ERCC3: variants seen among roughly 807,000 people sequenced by gnomAD.
ERCC3 encodes general transcription and DNA repair factor IIH helicase/translocase subunit XPB.
ERCC3 carries 66 observed loss-of-function variants against 94.2 expected under a neutral mutation model. The ratio of observed to expected loss-of-function variants is 0.70; its 90% CI spans 0.57 to 0.86. ERCC3 has a LOEUF of 0.86. Among genes scored for constraint, ERCC3 ranks in the 40% least tolerant of loss-of-function variants. ERCC3 has a pLI of 0.00. For missense variants in ERCC3, 829 were observed against 987.1 expected, an observed-to-expected ratio of 0.84 and a Z score of 2.15; for synonymous variants, 349 against 369.1, an observed-to-expected ratio of 0.95 and a Z score of 0.63.
At chr2:127,265,831 T>C (rs530880079) in intron 12 of ERCC3, among the ~76,000 whole-genome samples, 1 of 152,342 alleles carries the variant, frequency 6.6e-6, no homozygotes, top group East Asian at 1.9e-4. Flanking sequence ...CTTCAGCTAG[T>C]TTTGGGATTA....
chr2:127,290,020 C>T, intron 4 of ERCC3, 196 bp from the exon 5 acceptor site: 1 of 783,250 alleles, frequency 1.3e-6, no homozygotes, highest in Non-Finnish European at 2.1e-6. Context: ...TAGGCAGGGG[C>T]CTGAGCCCAG....
At chr2:127,276,862 A>G (rs1421255453) in intron 10 of ERCC3, among the ~76,000 whole-genome samples, 2 of 152,204 alleles carry the variant, frequency 1.3e-5, no homozygotes, top group African/African-American at 4.8e-5. Context: ...CCACCACAGC[A>G]GACAACACAC....
Position 127,272,894 on chromosome 2 carries a change from G to A in ERCC3, c.1798C>T (p.Pro600Ser). The A allele has an allele frequency of 6.2e-7, 1 of 1,613,558 alleles. No homozygotes were observed. Residue 600 changes from proline to serine, a missense_variant, in exon 11 of 15, where the codon CCC becomes TCC. Transcript: ENST00000285398. ...MQILQNFKHN[P>S]KINTIFISKV... The stretch of plus-strand genomic sequence containing the variant: ...GATATGAAGATGGTGTTAATTTTGG[G>A]GTTGTGCTTGAAATTCTGGAGAATT...
intron 10 of ERCC3, among the ~76,000 whole-genome samples, chr2:127,278,301 C>T (rs929451322): frequency 7.3e-5 from 11 of 151,498 alleles, no homozygotes; most frequent in African/African-American, 2.4e-4. Flanking sequence ...AAAAAAGAGT[C>T]AAAAGCGGCT....
chr2:127,293,753 G>T, intron 1 of ERCC3, 35 bp from the exon 2 acceptor site: 1 of 1,606,052 alleles, frequency 6.2e-7, no homozygotes, highest in Non-Finnish European at 8.5e-7. Context: ...AGCCCAGCAG[G>T]AGCCTTCAGG....
chr2:127,278,969 C>T (rs1203302255), intron 10 of ERCC3, among the ~76,000 whole-genome samples: 4 of 152,222 alleles, frequency 2.6e-5, no homozygotes, highest in Admixed American at 6.5e-5. Flanking sequence ...GACTAGCCCC[C>T]CTTTTCTCTA....
rs576058879 is a variant in ERCC3 at position 127,257,353 on chromosome 2, A to AT, written c.*242dup. 2.6e-3 allele frequency: 1,442 copies of AT among 556,846 alleles called. 1 individual carries two copies. Among genetic ancestry groups the AT allele is most frequent in the Non-Finnish European group, 4.2e-3 (1,254 of 301,934 alleles). The allele number at this position is 556,846 out of a possible 1,614,324, so 34.5% of individuals were successfully genotyped here. A position where few individuals can be genotyped will look rare whatever the true frequency, so the allele number is the denominator to read the frequency against. On this transcript the variant is annotated 3_prime_UTR_variant, in exon 15 of 15. Transcript: ENST00000285398. This position sits in a 1 kb window ranked among gnomAD's most constrained non-coding sequence, Gnocchi z 5.4. ...ACATAAATACACCTTAAATATTAAC[A>AT]TTTTTTATATACAGAAATGACCCCA...
intron 4 of ERCC3, 77 bp downstream of exon 4, chr2:127,290,147 T>C: frequency 4.3e-6 from 5 of 1,158,294 alleles, no homozygotes; most frequent in Non-Finnish European, 6.5e-6. Flanking sequence ...CATCAGGTCC[T>C]TCCCATATCC....
At chr2:127,272,008 T>TC (rs1491251279) in intron 11 of ERCC3, among the ~76,000 whole-genome samples, 1 of 20,644 alleles carries the variant, frequency 4.8e-5, no homozygotes. Context: ...ATCTCATTTC[T>TC]TTTTTTTTTT....
In ERCC3 at chr2:127,274,964, G is replaced by A. The variant is rs1171951781; in HGVS notation, c.1731-2003C>T. On this transcript the variant is annotated intron_variant, in intron 10 of 14. Coordinates refer to ENST00000285398, the MANE Select transcript of ERCC3 (RefSeq NM_000122.2). The surrounding 1 kb of genome is among the most constrained non-coding windows in gnomAD (Gnocchi z 4.0). ...ACACATTGGGTGGCAGTAGCTCCAT[G>A]TGACCGAAGTACAAAAGGAGTTCAG... 1.3e-5 allele frequency among the ~76,000 whole-genome samples: 2 copies of A among 152,186 alleles called. No homozygotes were observed. Among genetic ancestry groups the A allele is most frequent in the Non-Finnish European group, 2.9e-5 (2 of 68,038 alleles).
Position 127,280,581 on chromosome 2 carries a change from C to A in ERCC3, c.1393G>T (p.Gly465Cys). The change falls in exon 9 of 15, where the codon GGT becomes TGT. Residue 465 changes from glycine (G) to cysteine (C), a missense_variant. Physicochemically the swap from Gly to Cys is radical, Grantham distance 159 (BLOSUM62 -3). Coordinates refer to ENST00000285398, the MANE Select transcript of ERCC3 (RefSeq NM_000122.2). The surrounding 1 kb of genome is among the most constrained non-coding windows in gnomAD (Gnocchi z 6.3). ...LTIVQAHCKL[G>C]LTATLVREDD... ...TCGCGGACGAGGGTCGCAGTCAAAC[C>A]CAGCTTACAGTGGGCCTGCACGATG... 2 of 1,614,190 alleles carry A rather than the reference C, an allele frequency of 1.2e-6. No individual in the cohort carries two copies. The highest frequency in any genetic ancestry group is 1.7e-6 in the Non-Finnish European group (2 of 1,180,038).
Position 127,271,341 on chromosome 2 carries a change from T to C in ERCC3, c.1940A>G (p.Lys647Arg). ...AQRLGRVLRA[K>R]KGMVAEEYNA... ...AAGATGAAAGGCCACTTTACCTTTT[T>C]TAGCTCGAAGCACCCGCCCTAGCCT... Residue 647 changes from lysine to arginine, a missense_variant, in exon 12 of 15, where the codon AAA becomes AGA. Coordinates refer to ENST00000285398, the MANE Select transcript of ERCC3 (RefSeq NM_000122.2). This position sits in a 1 kb window ranked among gnomAD's most constrained non-coding sequence, Gnocchi z 5.0. 1 of 1,612,006 alleles carries C rather than the reference T, an allele frequency of 6.2e-7. No individual in the cohort carries two copies. Among genetic ancestry groups the C allele is most frequent in the Non-Finnish European group, 8.5e-7 (1 of 1,178,062 alleles).
chr2:127,290,698 C>A lies in ERCC3; in HGVS notation c.472-425G>T, dbSNP rs186677424. On this transcript the variant is annotated intron_variant, in intron 3 of 14. Transcript: ENST00000285398. Reference sequence around the variant, plus strand: ...ATTTCCCCAAATAGAATGTAAGCATCTTGATGGCAGAGAATACAGCTTAAA... The same window carrying A: ...ATTTCCCCAAATAGAATGTAAGCATATTGATGGCAGAGAATACAGCTTAAA... 1.3e-3 allele frequency: 387 copies of A among 293,462 alleles called. 6 individuals are homozygous for A. Among genetic ancestry groups the A allele is most frequent in the African/African-American group, 7.5e-3 (342 of 45,434 alleles). The allele number at this position is 293,462 out of a possible 1,614,324, so 18.2% of individuals were successfully genotyped here.
intron 7 of ERCC3, among the ~76,000 whole-genome samples, chr2:127,287,398 C>T (rs779396918): frequency 2.0e-5 from 3 of 151,946 alleles, no homozygotes; most frequent in Admixed American, 6.6e-5. Flanking sequence ...TTTGGGAGGC[C>T]GAGGTGGGTA....
chr2:127,292,605 C>T lies in ERCC3; in HGVS notation c.471+5G>A. ...GTGGAATTGCTGGTCTCAGCTGTCA[C>T]TTGCCTTAATAAACTGCATAATTCC... On this transcript the variant is annotated splice_donor_5th_base_variant and intron_variant, in intron 3 of 14. Transcript: ENST00000285398. 1.3e-6 allele frequency: 2 copies of T among 1,586,514 alleles called. No homozygotes were observed. The highest frequency in any genetic ancestry group is 1.7e-6 in the Non-Finnish European group (2 of 1,155,218).
chr2:127,294,070 T>G lies in ERCC3; in HGVS notation c.12A>C (p.Arg4Ser), dbSNP rs1394007429. Residue 4 changes from arginine (R) to serine (S), a missense_variant, in exon 1 of 15, where the codon AGA becomes AGC. Transcript: ENST00000285398. ...ACGTCTCACCGCGGTCCGCTCGGTC[T>G]CTTTTGCCCATGGCAGCTACAGCAG... MGK[R>S]DRADRDKKKS... 1 of 1,608,260 alleles carries G rather than the reference T, an allele frequency of 6.2e-7. No homozygotes were observed. The highest frequency in any genetic ancestry group is 1.3e-5 in the African/African-American group (1 of 74,918).
intron 12 of ERCC3, among the ~76,000 whole-genome samples, chr2:127,267,714 T>C (rs1433578036): frequency 9.9e-5 from 15 of 152,172 alleles, no homozygotes; most frequent in Admixed American, 8.5e-4. Flanking sequence ...TATGTGCTTA[T>C]GTGTATTTTT....
At position 127,272,965 on chromosome 2, in the gene ERCC3, G is replaced by A. The variant is rs751819175; in HGVS notation, c.1731-4C>T. ...CGTAGGTCCGTAGATATAGGGTCTA[G>A]AGAAGAATGAAGCTGTGTTAGACCA... On this transcript the variant is annotated splice_region_variant and splice_polypyrimidine_tract_variant and intron_variant, in intron 10 of 14. Coordinates refer to ENST00000285398, the MANE Select transcript of ERCC3 (RefSeq NM_000122.2). 5 of 1,573,868 alleles carry A rather than the reference G, an allele frequency of 3.2e-6. No homozygotes were observed. In the African/African-American group the frequency reaches 4.0e-5, roughly 13 times the overall value.
At chr2:127,292,128 T>C in intron 3 of ERCC3, 1 of 252,150 alleles carries the variant, frequency 4.0e-6, no homozygotes, top group South Asian at 5.0e-5. Flanking sequence ...CGGTGTCTCT[T>C]CTTAGGAGGA....
Sources: gnomAD v4.1 joint callset for allele counts (sites outside exome capture counted in the v4.1 genomes callset) on GRCh38, gnomAD v4.1.1 for gene constraint, Gnocchi (gnomAD v3.1) non-coding constraint, MANE v1.5 for transcripts, NCBI Gene and HGNC (gene_info 2026-07-23, HGNC 2026-07-21) for gene names.